ROBO1: variants seen among roughly 807,000 people sequenced by gnomAD.
ROBO1 encodes roundabout homolog 1.
ROBO1 carries 149 observed loss-of-function variants against 195.9 expected under a neutral mutation model. The observed-to-expected ratio is 0.76, with a 90% CI of 0.67 to 0.87. The LOEUF is 0.87. Ranked by LOEUF, ROBO1 falls within the 40% of genes least tolerant of loss-of-function variation. The pLI is 0.00. For missense variants in ROBO1, 1,933 were observed against 2,068.3 expected (o/e 0.93, Z 1.27); for synonymous variants, 816 against 733.2 (o/e 1.11, Z -1.82).
At chr3:78,857,711 A>C (rs529075683) in intron 4 of ROBO1, among the ~76,000 whole-genome samples, 4 of 152,202 alleles carry the variant, frequency 2.6e-5, no homozygotes, top group African/African-American at 9.6e-5. Flanking sequence ...GCTGGTGCAC[A>C]GTGAAATGTA....
intron 1 of ROBO1, among the ~76,000 whole-genome samples, chr3:79,590,482 G>T (rs558264178): frequency 6.6e-6 from 1 of 151,826 alleles, no homozygotes; most frequent in South Asian, 2.1e-4. Context: ...TTACCAAGTG[G>T]TCTATTCTGA....
chr3:79,011,915 G>A lies in ROBO1; in HGVS notation c.173-72988C>T, dbSNP rs181103959. ...TACTTTCTATACAAACTGGGCATAC[G>A]AACTGTGTTTCAAGCAGAACACTGC... On this transcript the variant is annotated intron_variant, in intron 3 of 30. Transcript: ENST00000464233. Among the ~76,000 whole-genome samples the A allele has an allele frequency of 2.6e-5, 4 of 151,880 alleles. No homozygotes were observed. In the East Asian group the frequency reaches 5.8e-4, roughly 22 times the overall value.
At chr3:79,652,427 C>T (rs983107079) in intron 1 of ROBO1, among the ~76,000 whole-genome samples, 7 of 152,064 alleles carry the variant, frequency 4.6e-5, no homozygotes, top group African/African-American at 1.7e-4. Flanking sequence ...AATATTATGG[C>T]ACCTAGAAGA....
intron 1 of ROBO1, among the ~76,000 whole-genome samples, chr3:79,705,668 T>C (rs1427176725): frequency 6.6e-6 from 1 of 152,096 alleles, no homozygotes; most frequent in East Asian, 1.9e-4. Context: ...GCTAGGTCCT[T>C]TGCCTTTTCA....
chr3:78,720,814 A>G (rs1262515738), intron 5 of ROBO1, among the ~76,000 whole-genome samples: 1 of 152,190 alleles, frequency 6.6e-6, no homozygotes, highest in Non-Finnish European at 1.5e-5. Flanking sequence ...TGAAGCTGGA[A>G]ACCATCATTC....
chr3:79,645,688 A>G (rs1019425475), intron 1 of ROBO1, among the ~76,000 whole-genome samples: 1 of 152,088 alleles, frequency 6.6e-6, no homozygotes, highest in Non-Finnish European at 1.5e-5. Context: ...CAAAAAGCAA[A>G]ACTGGAGGCT....
At chr3:79,549,700 CA>C (rs1167752120) in intron 2 of ROBO1, among the ~76,000 whole-genome samples, 1 of 152,046 alleles carries the variant, frequency 6.6e-6, no homozygotes, top group African/African-American at 2.4e-5. Flanking sequence ...CTTGAGCATC[CA>C]CAGATCTTGG....
In ROBO1 at chr3:79,484,755, C is replaced by CTTTTTTT. The variant is rs1158213253; in HGVS notation, c.88+105062_88+105068dup. 6.9e-4 allele frequency among the ~76,000 whole-genome samples: 46 copies of CTTTTTTT among 66,870 alleles called. 11 individuals are homozygous for CTTTTTTT. In the East Asian group the frequency reaches 6.9e-3, roughly 10 times the overall value. 43.9% of individuals were successfully genotyped at this position (66,870 alleles called of 152,430 possible). On this transcript the variant is annotated intron_variant, in intron 2 of 30. Transcript: ENST00000464233. Reference sequence around the variant, plus strand: ...TTATACACCACTATCATTGCACTATCTTTTTTTTTTTTTTTTTGAGACAGA... The same window carrying CTTTTTTT: ...TTATACACCACTATCATTGCACTATCTTTTTTTTTTTTTTTTTTTTTTTTGAGACAGA...
At chr3:79,447,355 A>C (rs1321694092) in intron 2 of ROBO1, among the ~76,000 whole-genome samples, 1 of 152,178 alleles carries the variant, frequency 6.6e-6, no homozygotes, top group Non-Finnish European at 1.5e-5. Flanking sequence ...GTTCTATAGG[A>C]CAAATTCAAC....
rs545546738 is a variant in ROBO1 at position 79,471,220 on chromosome 3, G to A, written c.88+118604C>T. ...CAACCACTGGAAAAATATCATAGGGGAAATGCTTTATGACATTACACTGGG... is the reference window on the plus strand; with the variant it reads ...CAACCACTGGAAAAATATCATAGGGAAAATGCTTTATGACATTACACTGGG... On this transcript the variant is annotated intron_variant, in intron 2 of 30. Transcript: ENST00000464233. 2.0e-5 allele frequency among the ~76,000 whole-genome samples: 3 copies of A among 152,162 alleles called. No individual in the cohort carries two copies. The South Asian group carries it at 6.2e-4, about 32-fold the overall frequency.
intron 2 of ROBO1, among the ~76,000 whole-genome samples, chr3:79,531,090 T>A (rs1941641134): frequency 6.6e-6 from 1 of 152,144 alleles, no homozygotes. Flanking sequence ...TTTGACTTGG[T>A]TGGTAGCTAC....
chr3:78,885,909 T>TA (rs2036531933), intron 4 of ROBO1, among the ~76,000 whole-genome samples: 5 of 117,752 alleles, frequency 4.2e-5, no homozygotes, highest in Non-Finnish European at 6.8e-5. Context: ...TAGCAAAATT[T>TA]TATATATATA....
intron 2 of ROBO1, among the ~76,000 whole-genome samples, chr3:79,468,538 C>T (rs1331628735): frequency 2.0e-5 from 3 of 152,226 alleles, no homozygotes; most frequent in South Asian, 2.1e-4. Context: ...AAAGATACCT[C>T]TATTTAAGTG....
intron 3 of ROBO1, among the ~76,000 whole-genome samples, chr3:78,943,991 A>AATT (rs2040281169): frequency 6.6e-6 from 1 of 152,232 alleles, no homozygotes; most frequent in Non-Finnish European, 1.5e-5. Context: ...AAGTATAATG[A>AATT]ATTATTATTT....
intron 4 of ROBO1, among the ~76,000 whole-genome samples, chr3:78,916,739 T>C (rs1473916524): frequency 1.3e-5 from 2 of 152,170 alleles, no homozygotes; most frequent in Non-Finnish European, 2.9e-5. Flanking sequence ...TTCTTTAGTC[T>C]GGTTAAATAA....
intron 11 of ROBO1, among the ~76,000 whole-genome samples, chr3:78,669,696 C>T (rs1184391577): frequency 6.6e-6 from 1 of 152,108 alleles, no homozygotes; most frequent in African/African-American, 2.4e-5. Context: ...AATGCTGAAA[C>T]AAACACTTAC....
chr3:79,752,626 A>G (rs55827790), intron 1 of ROBO1, among the ~76,000 whole-genome samples: 58,315 of 151,932 alleles, frequency 0.38, 11,443 homozygotes, highest in East Asian at 0.44. Context: ...GTAAAGCAAA[A>G]ATTTTATTGA....
Position 78,711,353 on chromosome 3 carries a change from TCCTTCCTTCCTTCCTTCCTTCCTTC to T in ROBO1, c.1045+3019_1045+3043del, listed in dbSNP as rs2081701545. Among the ~76,000 whole-genome samples the T allele has an allele frequency of 9.2e-4, 39 of 42,374 alleles. 2 individuals are homozygous for T. Among genetic ancestry groups the T allele is most frequent in the African/African-American group, 4.1e-3 (35 of 8,524 alleles). The allele number at this position is 42,374 out of a possible 152,430, so 27.8% of individuals were successfully genotyped here. Reference sequence around the variant, plus strand: ...CTTCCTTCCTTCCTTCCTTCCTCCTTCCTTCCTTCCTTCCTTCCTTCCTTCCTTCCTTCCTTCCTTCCTTCCTTTC... The same window carrying T: ...CTTCCTTCCTTCCTTCCTTCCTCCTTCTTCCTTCCTTCCTTCCTTCCTTTC... On this transcript the variant is annotated intron_variant, in intron 8 of 30. Transcript: ENST00000464233.
chr3:79,634,911 T>C (rs1221449623), intron 1 of ROBO1, among the ~76,000 whole-genome samples: 1 of 152,164 alleles, frequency 6.6e-6, no homozygotes, highest in Non-Finnish European at 1.5e-5. Context: ...CCAACACAAT[T>C]ACAAGAGAAA....
Sources: allele counts gnomAD v4.1 joint callset (sites outside exome capture counted in the v4.1 genomes callset), GRCh38; gene constraint gnomAD v4.1.1; transcripts MANE v1.5; gene names NCBI Gene and HGNC (gene_info 2026-07-23, HGNC 2026-07-21).